The following ETV6 variants were observed in gnomAD, a reference collection of about 807,000 sequenced individuals.
The protein encoded by ETV6 is transcription factor ETV6.
ETV6 carries 16 observed loss-of-function variants against 51.1 expected under a neutral mutation model. The ratio of observed to expected loss-of-function variants is 0.31; its 90% CI spans 0.21 to 0.48. The LOEUF (loss-of-function observed/expected upper bound fraction) is 0.48. Among genes scored for constraint, ETV6 ranks in the 20% least tolerant of loss-of-function variants. The pLI, the probability that ETV6 is intolerant of heterozygous loss-of-function variation, is 0.99. For missense variants in ETV6, 458 were observed against 594.8 expected (o/e 0.77, Z 2.39); for synonymous variants, 240 against 224.1 (o/e 1.07, Z -0.64).
chr12:11,841,055 T>G (rs1029993913), intron 3 of ETV6, among the ~76,000 whole-genome samples: 1 of 152,238 alleles, frequency 6.6e-6, no homozygotes, highest in Non-Finnish European at 1.5e-5. Context: ...TTGATTTGAC[T>G]TGGACCTTGG....
chr12:11,700,210 G>T (rs780295166), intron 1 of ETV6, among the ~76,000 whole-genome samples: 1 of 152,158 alleles, frequency 6.6e-6, no homozygotes, highest in Admixed American at 6.5e-5. Context: ...GACCCCTCAC[G>T]CAGGAAAAAT....
chr12:11,676,675 C>T (rs929996800), intron 1 of ETV6, among the ~76,000 whole-genome samples: 2 of 152,130 alleles, frequency 1.3e-5, no homozygotes, highest in South Asian at 2.1e-4. Flanking sequence ...TCATGACATC[C>T]GTTTTGAAAC....
intron 2 of ETV6, among the ~76,000 whole-genome samples, chr12:11,838,515 C>G (rs944653456): frequency 6.6e-6 from 1 of 152,200 alleles, no homozygotes; most frequent in Admixed American, 6.5e-5. Flanking sequence ...GGCAGAAGAC[C>G]TTTTATCCTT....
intron 1 of ETV6, among the ~76,000 whole-genome samples, chr12:11,706,586 A>G (rs1445039405): frequency 6.6e-6 from 1 of 152,170 alleles, no homozygotes; most frequent in Non-Finnish European, 1.5e-5. Context: ...TGAGTTTTCT[A>G]ATGACTTCAG....
At chr12:11,691,602 T>C (rs558149444) in intron 1 of ETV6, among the ~76,000 whole-genome samples, 1 of 152,322 alleles carries the variant, frequency 6.6e-6, no homozygotes, top group East Asian at 1.9e-4. Flanking sequence ...CCATATATAA[T>C]CTTTTGGGAC....
chr12:11,690,211 A>G (rs1364237672), intron 1 of ETV6, among the ~76,000 whole-genome samples: 2 of 151,290 alleles, frequency 1.3e-5, no homozygotes, highest in African/African-American at 4.9e-5. Context: ...TAATTTAGAT[A>G]GAGGATGGCA....
intron 6 of ETV6, 99 bp from the exon 7 acceptor site, chr12:11,885,827 G>A (rs2136601808): frequency 1.2e-6 from 1 of 840,542 alleles, no homozygotes. Flanking sequence ...GGCAGCAGCT[G>A]AAGAGCTTTT....
intron 1 of ETV6, among the ~76,000 whole-genome samples, chr12:11,670,340 GAT>G (rs1475675660): frequency 6.6e-6 from 1 of 152,170 alleles, no homozygotes; most frequent in African/African-American, 2.4e-5. Context: ...CTTTGTAAGT[GAT>G]ATGAGTCTTA....
intron 4 of ETV6, among the ~76,000 whole-genome samples, chr12:11,867,539 T>TA (rs766205061): frequency 3.9e-5 from 6 of 152,172 alleles, no homozygotes; most frequent in Non-Finnish European, 8.8e-5. Flanking sequence ...ATATTTTTGT[T>TA]CAGTGATCAT....
intron 2 of ETV6, among the ~76,000 whole-genome samples, chr12:11,762,454 G>GT (rs1945101539): frequency 6.6e-6 from 1 of 152,172 alleles, no homozygotes; most frequent in Non-Finnish European, 1.5e-5. Context: ...TATCCACTGG[G>GT]TTTTAGGCTT....
At chr12:11,881,785 G>T (rs180717869) in intron 5 of ETV6, among the ~76,000 whole-genome samples, 33 of 152,290 alleles carry the variant, frequency 2.2e-4, no homozygotes, top group African/African-American at 7.5e-4. Context: ...GCTTACAAGG[G>T]AAAAAGACAC....
Position 11,894,880 on chromosome 12 carries a change from G to A in ETV6, c.*3834G>A. The stretch of plus-strand genomic sequence containing the variant: ...CAGGAAACTGAAGATAAAAGATTTG[G>A]GAAAACACACCAAGAAAAAGGGGCA... On this transcript the variant is annotated 3_prime_UTR_variant, in exon 8 of 8. Coordinates refer to ENST00000396373, the MANE Select transcript of ETV6 (RefSeq NM_001987.5). 1 of 233,608 alleles carries A rather than the reference G, an allele frequency of 4.3e-6. No homozygotes were observed. The highest frequency in any genetic ancestry group is 8.5e-6 in the Non-Finnish European group (1 of 118,016). 14.5% of individuals were successfully genotyped at this position (233,608 alleles called of 1,614,324 possible). A position where few individuals can be genotyped will look rare whatever the true frequency, so the allele number is the denominator to read the frequency against.
intron 4 of ETV6, among the ~76,000 whole-genome samples, chr12:11,857,118 C>T (rs1262334346): frequency 1.3e-5 from 2 of 152,252 alleles, no homozygotes; most frequent in African/African-American, 2.4e-5. Context: ...GATTTCACCT[C>T]GTCGTGGCCA....
chr12:11,829,476 C>T (rs955606037), intron 2 of ETV6, among the ~76,000 whole-genome samples: 5 of 152,154 alleles, frequency 3.3e-5, no homozygotes, highest in Admixed American at 1.3e-4. Flanking sequence ...AATTTGACTG[C>T]GAAACCCAAG....
intron 1 of ETV6, among the ~76,000 whole-genome samples, chr12:11,703,069 T>C (rs956333800): frequency 2.6e-5 from 4 of 152,176 alleles, no homozygotes; most frequent in Non-Finnish European, 5.9e-5. Context: ...ATCGTGCCAC[T>C]GCACCCCAGC....
chr12:11,778,162 A>G lies in ETV6; in HGVS notation c.163+25583A>G, dbSNP rs556459802. On this transcript the variant is annotated intron_variant, in intron 2 of 7. Transcript: ENST00000396373. ...TCAGGGTCGCAGTTTCCTCATCCCTAAAAAGGGGAATCACGATGCTTATCT... is the reference window on the plus strand; with the variant it reads ...TCAGGGTCGCAGTTTCCTCATCCCTGAAAAGGGGAATCACGATGCTTATCT... Among the ~76,000 whole-genome samples, 5 of 152,314 alleles carry G rather than the reference A, an allele frequency of 3.3e-5. No individual in the cohort carries two copies. In the South Asian group the frequency reaches 6.2e-4, roughly 19 times the overall value.
chr12:11,808,750 G>A (rs1424558494), intron 2 of ETV6, among the ~76,000 whole-genome samples: 3 of 152,168 alleles, frequency 2.0e-5, no homozygotes, highest in Non-Finnish European at 4.4e-5. Flanking sequence ...AGGCTATAAA[G>A]TACTGAGAGA....
At chr12:11,747,882 G>T (rs1865936966) in intron 1 of ETV6, among the ~76,000 whole-genome samples, 1 of 152,198 alleles carries the variant, frequency 6.6e-6, no homozygotes, top group Non-Finnish European at 1.5e-5. Flanking sequence ...GCAGCCAGAA[G>T]AGTGTACTTA....
At chr12:11,821,924 G>A (rs572005263) in intron 2 of ETV6, among the ~76,000 whole-genome samples, 286 of 152,178 alleles carry the variant, frequency 1.9e-3, no homozygotes, top group Non-Finnish European at 3.6e-3. Context: ...TATATCTCAC[G>A]TCCTAATCCT....
Sources: allele counts gnomAD v4.1 joint callset (sites outside exome capture counted in the v4.1 genomes callset), GRCh38; gene constraint gnomAD v4.1.1; transcripts MANE v1.5; gene names NCBI Gene and HGNC (gene_info 2026-07-23, HGNC 2026-07-21).